The following SLC38A10 variants were observed in gnomAD, a reference collection of about 807,000 sequenced individuals.
SLC38A10 encodes the protein Sodium-coupled neutral amino acid transporter 10.
Under a neutral mutation model 81.0 loss-of-function variants are expected in SLC38A10, and 53 were observed. The observed-to-expected ratio is 0.65, with a 90% CI of 0.53 to 0.82. The LOEUF is 0.82. Ranked by LOEUF, SLC38A10 falls within the 40% of genes least tolerant of loss-of-function variation. The pLI, the probability that SLC38A10 is intolerant of heterozygous loss-of-function variation, is 0.00. For synonymous variants in SLC38A10, 665 were observed against 655.3 expected, an observed-to-expected ratio of 1.01 and a Z score of -0.23; for missense variants, 1,471 against 1,545.0, an observed-to-expected ratio of 0.95 and a Z score of 0.80.
intron 2 of SLC38A10, among the ~76,000 whole-genome samples, chr17:81,287,510 G>A (rs1315509376): frequency 6.6e-6 from 1 of 152,240 alleles, no homozygotes; most frequent in East Asian, 1.9e-4. Context: ...CAGCTGACGC[G>A]GAGCAGCTGG....
At chr17:81,278,274 T>C (rs1287980455) in intron 6 of SLC38A10, among the ~76,000 whole-genome samples, 1 of 152,046 alleles carries the variant, frequency 6.6e-6, no homozygotes, top group African/African-American at 2.4e-5. Context: ...ATACCAGCAC[T>C]TTGGGAGGCC....
rs750623341 is a variant in SLC38A10 at position 81,249,900 on chromosome 17, C to A, written c.2065+1593G>T. ...CAAGGGAGCAGAGTGGGCATCGGGA[C>A]CCTGCCTGAGGGGCTGTGGCTGAGC... On this transcript the variant is annotated intron_variant, in intron 14 of 15. Transcript: ENST00000374759. Among the ~76,000 whole-genome samples, 45 of 152,132 alleles carry A rather than the reference C, an allele frequency of 3.0e-4. 1 individual carries two copies. Among genetic ancestry groups the A allele is most frequent in the Non-Finnish European group, 6.3e-4 (43 of 68,000 alleles).
Position 81,276,424 on chromosome 17 carries a change from A to G in SLC38A10, c.730-273T>C, listed in dbSNP as rs1385968971. ...TTTTTGAGACGGGGTCTCCCTCTGT[A>G]GACCAGGCTGGAGTGCAGTGGTGCG... is the stretch of plus-strand genomic sequence containing the variant. On this transcript the variant is annotated intron_variant, in intron 7 of 15. Coordinates refer to ENST00000374759, the MANE Select transcript of SLC38A10 (RefSeq NM_001037984.3). The surrounding 1 kb of genome is among the most constrained non-coding windows in gnomAD (Gnocchi z 4.7). Among the ~76,000 whole-genome samples the G allele has an allele frequency of 7.0e-6, 1 of 142,258 alleles. No individual in the cohort carries two copies. The highest frequency in any genetic ancestry group is 2.7e-5 in the African/African-American group (1 of 37,356). The allele number at this position is 142,258 out of a possible 152,430, so 93.3% of individuals were successfully genotyped here. A position where few individuals can be genotyped will look rare whatever the true frequency, so the allele number is the denominator to read the frequency against.
At chr17:81,264,834 TGA>T (rs2063056221) in intron 10 of SLC38A10, 1 of 152,148 alleles carries the variant, frequency 6.6e-6, no homozygotes, top group Admixed American at 6.5e-5. Flanking sequence ...GGCTCGTGTC[TGA>T]GAGTCGCAGT....
rs757476138 is a variant in SLC38A10, at chr17:81,246,411, A to G, written c.2505T>C (p.Asp835=). ...CCCTGGGGGCGGCATCCTTCTGGCC[A>G]TCTCTCAGCTTGGCCTGGGCTGCCC... ...EPRAAQAKLR[D]GQKDAAPRAA... is the part of the protein sequence containing the mutation. Residue 835 remains aspartate, a synonymous_variant, in exon 16 of 16, where the codon GAT becomes GAC. Transcript: ENST00000374759. 32 of 1,601,398 alleles carry G rather than the reference A, an allele frequency of 2.0e-5. No individual in the cohort carries two copies. Among genetic ancestry groups the G allele is most frequent in the Non-Finnish European group, 2.5e-5 (29 of 1,175,246 alleles).
intron 8 of SLC38A10, among the ~76,000 whole-genome samples, chr17:81,274,672 G>C (rs1250297780): frequency 1.3e-5 from 2 of 152,194 alleles, no homozygotes; most frequent in African/African-American, 4.8e-5. Flanking sequence ...TGCTCGGAGC[G>C]CAAGACAGCA....
intron 14 of SLC38A10, among the ~76,000 whole-genome samples, chr17:81,248,977 A>C (rs1380172387): frequency 6.6e-6 from 1 of 152,214 alleles, no homozygotes; most frequent in Non-Finnish European, 1.5e-5. Flanking sequence ...CAGGTGGCAG[A>C]CCAGCCACCT....
At position 81,285,889 on chromosome 17, in the gene SLC38A10, C is replaced by T. The variant is rs146506780; in HGVS notation, c.218-994G>A. 2.8e-3 allele frequency among the ~76,000 whole-genome samples: 420 copies of T among 152,324 alleles called. 15 individuals are homozygous for T. In the East Asian group the frequency reaches 0.053, roughly 19 times the overall value. The stretch of plus-strand genomic sequence containing the variant: ...TTAAACTACTTAGGAAGAAGCACAG[C>T]GTTGCCAAACGCCAGAGCCCGGGAG... On this transcript the variant is annotated intron_variant, in intron 2 of 15. Transcript: ENST00000374759.
In SLC38A10 at chr17:81,253,934, TCAC is replaced by T. The variant is rs2062948093; in HGVS notation, c.1289-697_1289-695del. 6.6e-6 allele frequency among the ~76,000 whole-genome samples: 1 copy of T among 151,066 alleles called. No individual in the cohort carries two copies. Among genetic ancestry groups the T allele is most frequent in the African/African-American group, 2.4e-5 (1 of 40,944 alleles). Reference sequence around the variant, plus strand: ...ACTGCCAACCCTACCATCATTGCCATCACCTCCATTATCGTCATCACCACCACC... The same window carrying T: ...ACTGCCAACCCTACCATCATTGCCATCTCCATTATCGTCATCACCACCACC... On this transcript the variant is annotated intron_variant, in intron 11 of 15. Transcript: ENST00000374759. The surrounding 1 kb of genome is among the most constrained non-coding windows in gnomAD (Gnocchi z 4.1).
chr17:81,289,656 A>C lies in SLC38A10; in HGVS notation c.217+35T>G. The C allele has an allele frequency of 6.8e-7, 1 of 1,477,502 alleles. No homozygotes were observed. Among genetic ancestry groups the C allele is most frequent in the South Asian group, 1.2e-5 (1 of 81,942 alleles). The allele number at this position is 1,477,502 out of a possible 1,614,324, so 91.5% of individuals were successfully genotyped here. A position where few individuals can be genotyped will look rare whatever the true frequency, so the allele number is the denominator to read the frequency against. On this transcript the variant is annotated intron_variant, in intron 2 of 15. Transcript: ENST00000374759. This position sits in a 1 kb window ranked among gnomAD's most constrained non-coding sequence, Gnocchi z 5.9. ...ATAAATGGAATAAGGCCCCCGCCCC[A>C]GGTCCAGAGCCACCTTGTGGAGAGG... is the stretch of plus-strand genomic sequence containing the variant.
rs941341227 is a variant in SLC38A10 at position 81,276,724 on chromosome 17, G to A, written c.729+307C>T. The stretch of plus-strand genomic sequence containing the variant: ...CCATTTCTACAGAGAATTAACAGAG[G>A]TCTTGGAGAGAGAGTAAGAGTGGCT... On this transcript the variant is annotated intron_variant, in intron 7 of 15. Coordinates refer to ENST00000374759, the MANE Select transcript of SLC38A10 (RefSeq NM_001037984.3). The surrounding 1 kb of genome is among the most constrained non-coding windows in gnomAD (Gnocchi z 4.7). 6.6e-6 allele frequency among the ~76,000 whole-genome samples: 1 copy of A among 152,204 alleles called. No individual in the cohort carries two copies. The highest frequency in any genetic ancestry group is 1.5e-5 in the Non-Finnish European group (1 of 68,034).
intron 13 of SLC38A10, 174 bp downstream of exon 13, chr17:81,252,021 A>C (rs1014149262): frequency 2.2e-6 from 2 of 899,480 alleles, no homozygotes; most frequent in African/African-American, 3.4e-5. Context: ...GCTGTCAGCC[A>C]CCAGCCTCTT....
chr17:81,276,296 G>C lies in SLC38A10; in HGVS notation c.730-145C>G, dbSNP rs141354072. On this transcript the variant is annotated intron_variant, in intron 7 of 15. Coordinates refer to ENST00000374759, the MANE Select transcript of SLC38A10 (RefSeq NM_001037984.3). The surrounding 1 kb of genome is among the most constrained non-coding windows in gnomAD (Gnocchi z 4.7). Reference sequence around the variant, plus strand: ...ACTTCATAATGAAGCTTCTGCAAGAGATGGCCTTCCAGGGGCAAGGCACCA... The same window carrying C: ...ACTTCATAATGAAGCTTCTGCAAGACATGGCCTTCCAGGGGCAAGGCACCA... 5,056 of 677,002 alleles carry C rather than the reference G, an allele frequency of 7.5e-3. 35 individuals are homozygous for C. Among genetic ancestry groups the C allele is most frequent in the Non-Finnish European group, 8.1e-3 (3,499 of 433,910 alleles). The allele number at this position is 677,002 out of a possible 1,614,324, so 41.9% of individuals were successfully genotyped here. A position where few individuals can be genotyped will look rare whatever the true frequency, so the allele number is the denominator to read the frequency against.
intron 10 of SLC38A10, chr17:81,262,808 A>G (rs2063035220): frequency 6.6e-6 from 1 of 152,250 alleles, no homozygotes; most frequent in Non-Finnish European, 1.5e-5. Flanking sequence ...TGGTCATTTT[A>G]TGTCAGGTTA....
chr17:81,273,385 T>A (rs1163107589), intron 8 of SLC38A10, among the ~76,000 whole-genome samples: 1 of 151,882 alleles, frequency 6.6e-6, no homozygotes, highest in Non-Finnish European at 1.5e-5. Context: ...GCCCCACCTG[T>A]GTGTCCCTAG....
In SLC38A10 at chr17:81,276,765, G is replaced by C. The variant is rs2063166114; in HGVS notation, c.729+266C>G. On this transcript the variant is annotated intron_variant, in intron 7 of 15. Coordinates refer to ENST00000374759, the MANE Select transcript of SLC38A10 (RefSeq NM_001037984.3). The surrounding 1 kb of genome is among the most constrained non-coding windows in gnomAD (Gnocchi z 4.7). ...AAGAGTGGCTCGGATAAAGGGTTCT[G>C]GGAGCAGCCCTGGTGCCCAGCTCCT... Among the ~76,000 whole-genome samples, 1 of 152,208 alleles carries C rather than the reference G, an allele frequency of 6.6e-6. No homozygotes were observed. The highest frequency in any genetic ancestry group is 2.4e-5 in the African/African-American group (1 of 41,456).
At chr17:81,292,062 C>T (rs1006126622) in intron 1 of SLC38A10, among the ~76,000 whole-genome samples, 2 of 151,974 alleles carry the variant, frequency 1.3e-5, no homozygotes, top group African/African-American at 2.4e-5. Context: ...TGTCAAACTT[C>T]AATGTTTATT....
chr17:81,247,207 A>T (rs1049571357), intron 14 of SLC38A10, 146 bp from the exon 15 acceptor site: 5 of 823,144 alleles, frequency 6.1e-6, no homozygotes, highest in Non-Finnish European at 9.0e-6. Context: ...ACCCATCATG[A>T]CTGTGACCGT....
At chr17:81,247,163 C>T in intron 14 of SLC38A10, 102 bp from the exon 15 acceptor site, 5 of 1,262,276 alleles carry the variant, frequency 4.0e-6, no homozygotes, top group Non-Finnish European at 5.3e-6. Flanking sequence ...AGGTCACCTG[C>T]AGGGAGTGTG....
Sources: allele counts gnomAD v4.1 joint callset (sites outside exome capture counted in the v4.1 genomes callset), GRCh38; gene constraint gnomAD v4.1.1; non-coding constraint Gnocchi (gnomAD v3.1); transcripts MANE v1.5; gene names NCBI Gene and HGNC (gene_info 2026-07-23, HGNC 2026-07-21).